ADAMTS9: variants seen among roughly 807,000 people sequenced by gnomAD.
ADAMTS9 encodes the protein ADAM metallopeptidase with thrombospondin type 1 motif 9.
A neutral mutation model predicts 257.1 loss-of-function variants in ADAMTS9; 107 were observed. That is an observed-to-expected ratio of 0.42 (90% CI 0.36 to 0.49). The LOEUF is 0.49. ADAMTS9 is among the 20% of genes least tolerant of loss of function. ADAMTS9 has a pLI of 0.03. For synonymous variants in ADAMTS9, 982 were observed against 880.9 expected (o/e 1.11, Z -2.03); for missense variants, 2,353 against 2,469.1 (o/e 0.95, Z 1.00).
chr3:64,632,838 A>AC (rs902278594), intron 14 of ADAMTS9, among the ~76,000 whole-genome samples: 9 of 151,882 alleles, frequency 5.9e-5, no homozygotes, highest in East Asian at 3.9e-4. Flanking sequence ...CAAAAAAAAA[A>AC]AAACAAACAA....
intron 4 of ADAMTS9, 112 bp from the exon 5 acceptor site, chr3:64,655,987 A>C: frequency 1.6e-6 from 1 of 619,340 alleles, no homozygotes; most frequent in South Asian, 2.8e-5. Flanking sequence ...CAACATATGC[A>C]TTTTGTGGTT....
chr3:64,656,265 C>G (rs925925960), intron 4 of ADAMTS9, among the ~76,000 whole-genome samples: 1 of 152,268 alleles, frequency 6.6e-6, no homozygotes, highest in Non-Finnish European at 1.5e-5. Flanking sequence ...ATGTTTGCCA[C>G]CCATTGTGTC....
intron 28 of ADAMTS9, chr3:64,589,343 C>G (rs1576087588): frequency 6.6e-6 from 1 of 152,232 alleles, no homozygotes; most frequent in East Asian, 1.9e-4. Flanking sequence ...TAGGCACATC[C>G]TTTATGGAAT....
chr3:64,584,363 A>G (rs897128756), intron 28 of ADAMTS9, among the ~76,000 whole-genome samples: 9 of 152,042 alleles, frequency 5.9e-5, no homozygotes, highest in African/African-American at 2.2e-4. Flanking sequence ...CATGGGTGGG[A>G]TGGGGAGGAG....
chr3:64,600,438 TCCTC>T (rs1483764096), intron 26 of ADAMTS9, among the ~76,000 whole-genome samples: 1 of 152,152 alleles, frequency 6.6e-6, no homozygotes, highest in Non-Finnish European at 1.5e-5. Flanking sequence ...GCTTACCTAA[TCCTC>T]CCTAATTGGG....
chr3:64,542,546 G>A (rs2083139786), intron 32 of ADAMTS9, among the ~76,000 whole-genome samples: 1 of 151,192 alleles, frequency 6.6e-6, no homozygotes, highest in African/African-American at 2.4e-5. Context: ...TCCTGCCTCA[G>A]ACTCCCGAGT....
rs1700371943 is a variant in ADAMTS9, at chr3:64,631,736, T to C, written c.2293+72A>G. On this transcript the variant is annotated intron_variant, in intron 15 of 39. Coordinates refer to ENST00000498707, the MANE Select transcript of ADAMTS9 (RefSeq NM_182920.2). ...TATGCTCGACATTAATATTTTTGCA[T>C]ATTACATGTGGTTAACAATTTTCAA... 6 of 1,380,776 alleles carry C rather than the reference T, an allele frequency of 4.3e-6. 1 individual carries two copies. The East Asian group carries it at 1.4e-4, about 32-fold the overall frequency. 85.5% of individuals were successfully genotyped at this position (1,380,776 alleles called of 1,614,324 possible).
At chr3:64,653,625 T>TC (rs1700986369) in intron 8 of ADAMTS9, among the ~76,000 whole-genome samples, 1 of 152,164 alleles carries the variant, frequency 6.6e-6, no homozygotes, top group African/African-American at 2.4e-5. Flanking sequence ...TCTATTAATA[T>TC]CCTTTCAGAA....
intron 28 of ADAMTS9, chr3:64,587,976 C>A (rs538265092): frequency 6.6e-6 from 1 of 152,218 alleles, no homozygotes; most frequent in South Asian, 2.1e-4. Flanking sequence ...TTAGGTTCTC[C>A]ACTCATCCTG....
At chr3:64,605,712 G>A (rs1286549329) in intron 23 of ADAMTS9, among the ~76,000 whole-genome samples, 1 of 152,156 alleles carries the variant, frequency 6.6e-6, no homozygotes, top group African/African-American at 2.4e-5. Flanking sequence ...ATGCTGGTGA[G>A]TGGTTATCCA....
rs575025374 is a variant in ADAMTS9, at chr3:64,641,231, C to A, written c.1856+617G>T. ...CCATGTGAAAATCTATCTAGTCACTCCATTAGTGTGCTATCTTTTTTTTTT... is the reference window on the plus strand; with the variant it reads ...CCATGTGAAAATCTATCTAGTCACTACATTAGTGTGCTATCTTTTTTTTTT... On this transcript the variant is annotated intron_variant, in intron 12 of 39. Transcript: ENST00000498707. 9.8e-4 allele frequency among the ~76,000 whole-genome samples: 144 copies of A among 146,636 alleles called. 1 individual carries two copies. The highest frequency in any genetic ancestry group is 3.4e-3 in the African/African-American group (134 of 39,126).
At chr3:64,608,180 A>G (rs2084593108) in intron 22 of ADAMTS9, among the ~76,000 whole-genome samples, 1 of 151,450 alleles carries the variant, frequency 6.6e-6, no homozygotes, top group Non-Finnish European at 1.5e-5. Context: ...AAAGAAAAAA[A>G]AAAAATGAAG....
intron 28 of ADAMTS9, among the ~76,000 whole-genome samples, chr3:64,571,404 C>T (rs1392359122): frequency 6.6e-6 from 1 of 152,178 alleles, no homozygotes; most frequent in African/African-American, 2.4e-5. Flanking sequence ...GAAACAATAA[C>T]AGCACAGTGA....
chr3:64,668,699 G>A (rs139683703), intron 3 of ADAMTS9, among the ~76,000 whole-genome samples: 1 of 152,336 alleles, frequency 6.6e-6, no homozygotes, highest in African/African-American at 2.4e-5. Flanking sequence ...CTTAGAATGA[G>A]CAGCAGGTTA....
chr3:64,614,060 T>C (rs2084715884), intron 21 of ADAMTS9, among the ~76,000 whole-genome samples: 1 of 152,224 alleles, frequency 6.6e-6, no homozygotes, highest in Non-Finnish European at 1.5e-5. Flanking sequence ...GAAAAAATTA[T>C]AATGACCCAA....
chr3:64,535,833 G>A (rs531508286), intron 37 of ADAMTS9, among the ~76,000 whole-genome samples: 3 of 151,870 alleles, frequency 2.0e-5, no homozygotes, highest in East Asian at 1.9e-4. Flanking sequence ...ATGACCCACC[G>A]CACCTGCCAC....
chr3:64,648,979 C>G (rs1700864857), intron 10 of ADAMTS9, among the ~76,000 whole-genome samples: 1 of 152,166 alleles, frequency 6.6e-6, no homozygotes, highest in African/African-American at 2.4e-5. Context: ...TCTGAAGACA[C>G]TCCCAGCAAA....
chr3:64,646,268 T>A (rs1286576648), intron 11 of ADAMTS9, among the ~76,000 whole-genome samples: 5 of 152,188 alleles, frequency 3.3e-5, no homozygotes, highest in African/African-American at 1.2e-4. Flanking sequence ...TATTGTCATC[T>A]CCTACCAACT....
intron 2 of ADAMTS9, among the ~76,000 whole-genome samples, chr3:64,685,745 C>A (rs542333028): frequency 6.6e-6 from 1 of 152,332 alleles, no homozygotes; most frequent in South Asian, 2.1e-4. Context: ...ACGTGCGCCG[C>A]AGGCTCCCTC....
Sources: gnomAD v4.1 joint callset for allele counts (sites outside exome capture counted in the v4.1 genomes callset) on GRCh38, gnomAD v4.1.1 for gene constraint, MANE v1.5 for transcripts, NCBI Gene and HGNC (gene_info 2026-07-23, HGNC 2026-07-21) for gene names.